Variants in ENPP3 observed in about 807,000 individuals in gnomAD.
ENPP3 encodes the protein ectonucleotide pyrophosphatase/phosphodiesterase 3.
In ENPP3, 104 loss-of-function variants were observed where a neutral mutation model predicts 117.8. The ratio of observed to expected loss-of-function variants is 0.88; its 90% CI spans 0.75 to 1.04. ENPP3 has a LOEUF of 1.04. Ranked by LOEUF, ENPP3 falls within the 50% of genes least tolerant of loss-of-function variation. The pLI is 0.00. For synonymous variants in ENPP3, 380 were observed against 349.9 expected, an observed-to-expected ratio of 1.09 and a Z score of -0.96; for missense variants, 1,026 against 1,051.9, an observed-to-expected ratio of 0.98 and a Z score of 0.34.
At chr6:131,663,679 G>A (rs1778553485) in intron 6 of ENPP3, among the ~76,000 whole-genome samples, 1 of 148,328 alleles carries the variant, frequency 6.7e-6, no homozygotes. Context: ...GGGTAACAGA[G>A]CGAGTTCTTG....
In ENPP3 at chr6:131,681,073, A is replaced by C. The variant is rs143588724; in HGVS notation, c.1012-1981A>C. On this transcript the variant is annotated intron_variant, in intron 11 of 24. Coordinates refer to ENST00000357639, the MANE Select transcript of ENPP3 (RefSeq NM_005021.5). ...GGTTGGGGGAGTGAATCAGATGACT[A>C]TGTAAAAGGAACGTTATGTCATGAC... is the stretch of plus-strand genomic sequence containing the variant. Among the ~76,000 whole-genome samples the C allele has an allele frequency of 5.5e-3, 841 of 152,250 alleles. 6 individuals are homozygous for C. The highest frequency in any genetic ancestry group is 0.017 in the African/African-American group (713 of 41,548).
At chr6:131,720,941 G>T (rs1780005120) in intron 17 of ENPP3, among the ~76,000 whole-genome samples, 1 of 152,052 alleles carries the variant, frequency 6.6e-6, no homozygotes, top group African/African-American at 2.4e-5. Context: ...TTAGTTACTA[G>T]ATGATAATTT....
chr6:131,682,187 T>C (rs1434876304), intron 11 of ENPP3, among the ~76,000 whole-genome samples: 2 of 152,130 alleles, frequency 1.3e-5, no homozygotes, highest in Non-Finnish European at 2.9e-5. Flanking sequence ...TTCTTAAGAA[T>C]GTGTCATCAT....
chr6:131,738,339 T>G (rs959365747), intron 23 of ENPP3, among the ~76,000 whole-genome samples, 176 bp downstream of exon 23: 2 of 152,110 alleles, frequency 1.3e-5, no homozygotes, highest in African/African-American at 4.8e-5. Context: ...TGCAAAAAAT[T>G]TAAACTAATG....
At chr6:131,738,747 A>G (rs1780457968) in intron 23 of ENPP3, among the ~76,000 whole-genome samples, 1 of 152,172 alleles carries the variant, frequency 6.6e-6, no homozygotes, top group Non-Finnish European at 1.5e-5. Flanking sequence ...AGAGTTTTAG[A>G]GAAGTTTCAT....
At chr6:131,744,664 A>G (rs2114588644) in intron 24 of ENPP3, among the ~76,000 whole-genome samples, 1 of 152,314 alleles carries the variant, frequency 6.6e-6, no homozygotes, top group East Asian at 1.9e-4. Flanking sequence ...GATAACAGCA[A>G]TCACTGGACT....
At chr6:131,678,115 A>T (rs1371943481) in intron 11 of ENPP3, among the ~76,000 whole-genome samples, 175 bp downstream of exon 11, 1 of 152,252 alleles carries the variant, frequency 6.6e-6, no homozygotes, top group Non-Finnish European at 1.5e-5. Context: ...CTGCCTACTT[A>T]ACCATAAAAT....
At chr6:131,739,365 G>A (rs148697595) in intron 23 of ENPP3, among the ~76,000 whole-genome samples, 104 of 152,140 alleles carry the variant, frequency 6.8e-4, no homozygotes, top group African/African-American at 2.5e-3. Context: ...TGTCTACACT[G>A]TGAAGTTGAT....
At position 131,678,985 on chromosome 6, in the gene ENPP3, CCTTCCTTCCTTCCTTG is replaced by C. The variant is rs1312384782; in HGVS notation, c.1011+1061_1011+1076del. 7.1e-4 allele frequency among the ~76,000 whole-genome samples: 77 copies of C among 109,116 alleles called. 4 individuals are homozygous for C. The highest frequency in any genetic ancestry group is 2.7e-3 in the African/African-American group (52 of 19,528). The allele number at this position is 109,116 out of a possible 152,430, so 71.6% of individuals were successfully genotyped here. ...TCCTTCCTTCCTTCCTTCCTTCCTT[CCTTCCTTCCTTCCTTG>C]CTTCCTTCCTTCCTTCCTTCCTTCC... is the stretch of plus-strand genomic sequence containing the variant. On this transcript the variant is annotated intron_variant, in intron 11 of 24. Coordinates refer to ENST00000357639, the MANE Select transcript of ENPP3 (RefSeq NM_005021.5).
intron 23 of ENPP3, 39 bp from the exon 24 acceptor site, chr6:131,740,185 A>G: frequency 1.3e-6 from 2 of 1,487,122 alleles, no homozygotes; most frequent in Admixed American, 2.1e-5. Flanking sequence ...AAACAAAAGT[A>G]TAATAACATC....
At chr6:131,679,089 T>TCCTTC (rs1778965170) in intron 11 of ENPP3, among the ~76,000 whole-genome samples, 1 of 80,468 alleles carries the variant, frequency 1.2e-5, no homozygotes, top group African/African-American at 6.1e-5. Flanking sequence ...TTCTTTCTTT[T>TCCTTC]CTTCTTTCTT....
chr6:131,666,642 C>T (rs2114360748), intron 6 of ENPP3, among the ~76,000 whole-genome samples: 1 of 152,208 alleles, frequency 6.6e-6, no homozygotes, highest in East Asian at 1.9e-4. Flanking sequence ...GCATTGTTCT[C>T]ATCACCTCAA....
At chr6:131,684,261 A>G (rs1462413498) in intron 12 of ENPP3, among the ~76,000 whole-genome samples, 1 of 152,242 alleles carries the variant, frequency 6.6e-6, no homozygotes, top group Non-Finnish European at 1.5e-5. Context: ...CATCCAGATA[A>G]TGGGAAACAT....
intron 2 of ENPP3, chr6:131,642,727 C>A (rs1778079455): frequency 6.6e-6 from 1 of 152,128 alleles, no homozygotes; most frequent in Non-Finnish European, 1.5e-5. Context: ...TGCACTACCA[C>A]ACGTGGTTAA....
intron 2 of ENPP3, chr6:131,643,092 A>G (rs1778086765): frequency 6.6e-6 from 1 of 152,218 alleles, no homozygotes; most frequent in Non-Finnish European, 1.5e-5. Context: ...TGTCTACTTG[A>G]GAAACACTCA....
At chr6:131,649,159 C>T (rs1778210613) in intron 2 of ENPP3, among the ~76,000 whole-genome samples, 1 of 152,106 alleles carries the variant, frequency 6.6e-6, no homozygotes, top group Non-Finnish European at 1.5e-5. Context: ...CCTTCAGGCC[C>T]TTATCATTTT....
chr6:131,649,957 C>T, intron 2 of ENPP3, 70 bp from the exon 3 acceptor site: 5 of 1,549,880 alleles, frequency 3.2e-6, no homozygotes, highest in Admixed American at 3.4e-5. Flanking sequence ...TTCCTGTGTG[C>T]TTCCACTGCT....
At chr6:131,744,769 T>A (rs1235605522) in intron 24 of ENPP3, among the ~76,000 whole-genome samples, 1 of 151,902 alleles carries the variant, frequency 6.6e-6, no homozygotes, top group African/African-American at 2.4e-5. Flanking sequence ...TTTGGGGATA[T>A]ACAATACTCT....
Position 131,683,085 on chromosome 6 carries a change from C to A in ENPP3, c.1043C>A (p.Ala348Asp), listed in dbSNP as rs370213145. The change falls in exon 12 of 25, where the codon GCT becomes GAT. Residue 348 changes from alanine (A) to aspartate (D), a missense_variant. Physicochemically the swap from Ala to Asp is moderately radical, Grantham distance 126. Transcript: ENST00000357639. The stretch of plus-strand genomic sequence containing the variant: ...AAAGCCTTACAGGTAGTAGATCATG[C>A]TTTTGGGATGTTGATGGAAGGCCTG... ...VIKALQVVDH[A>D]FGMLMEGLKQ... 85 of 1,611,156 alleles carry A rather than the reference C, an allele frequency of 5.3e-5. No individual in the cohort carries two copies. Among genetic ancestry groups the A allele is most frequent in the Non-Finnish European group, 6.5e-5 (77 of 1,177,612 alleles).
Sources: allele counts gnomAD v4.1 joint callset (sites outside exome capture counted in the v4.1 genomes callset), GRCh38; gene constraint gnomAD v4.1.1; transcripts MANE v1.5; gene names NCBI Gene and HGNC (gene_info 2026-07-23, HGNC 2026-07-21).